The following ULK4 variants were observed in gnomAD, a reference collection of about 807,000 sequenced individuals.
The protein encoded by ULK4 is unc-51 like kinase 4.
In ULK4, 133 loss-of-function variants were observed where a neutral mutation model predicts 160.6. The observed-to-expected ratio is 0.83, with a 90% CI of 0.72 to 0.96. ULK4 has a LOEUF of 0.96. ULK4 is among the 40% of genes least tolerant of loss of function. The pLI, the probability that ULK4 is intolerant of heterozygous loss-of-function variation, is 0.00. For synonymous variants in ULK4, 534 were observed against 539.8 expected (o/e 0.99, Z 0.15); for missense variants, 1,580 against 1,499.5 (o/e 1.05, Z -0.89).
chr3:41,888,922 C>G (rs1697821664), intron 16 of ULK4, among the ~76,000 whole-genome samples: 1 of 152,120 alleles, frequency 6.6e-6, no homozygotes, highest in African/African-American at 2.4e-5. Context: ...ACATACCAAC[C>G]CTTTATTTAA....
chr3:41,636,010 T>C (rs1286794726), intron 30 of ULK4, among the ~76,000 whole-genome samples: 1 of 152,230 alleles, frequency 6.6e-6, no homozygotes, highest in Admixed American at 6.5e-5. Context: ...TTTGTACTCC[T>C]AGACATAGAA....
intron 35 of ULK4, among the ~76,000 whole-genome samples, chr3:41,355,171 T>G (rs2081004827): frequency 6.6e-6 from 1 of 152,214 alleles, no homozygotes; most frequent in African/African-American, 2.4e-5. Context: ...GGTAAAATTT[T>G]AGAAACTAAT....
chr3:41,279,263 A>ACAAC (rs1553638197), intron 35 of ULK4, among the ~76,000 whole-genome samples: 1 of 114,554 alleles, frequency 8.7e-6, no homozygotes, highest in African/African-American at 3.7e-5. Flanking sequence ...AGTAAAAAAA[A>ACAAC]AAAAAAAAAA....
chr3:41,803,707 T>A (rs1412672850), intron 19 of ULK4, among the ~76,000 whole-genome samples: 1 of 152,140 alleles, frequency 6.6e-6, no homozygotes, highest in Non-Finnish European at 1.5e-5. Flanking sequence ...CATTGTTCAA[T>A]TCCCACCTAT....
chr3:41,695,149 C>T (rs2036446110), intron 27 of ULK4, among the ~76,000 whole-genome samples: 1 of 152,224 alleles, frequency 6.6e-6, no homozygotes, highest in South Asian at 2.1e-4. Context: ...TTAAAGGACA[C>T]TAATTCCATT....
At chr3:41,653,188 C>G (rs1048810545) in intron 30 of ULK4, among the ~76,000 whole-genome samples, 37 of 152,168 alleles carry the variant, frequency 2.4e-4, no homozygotes, top group African/African-American at 8.9e-4. Context: ...GCTCTTAACA[C>G]TGCAGGCCAA....
intron 35 of ULK4, among the ~76,000 whole-genome samples, chr3:41,311,988 T>TATTTTATTTTATTTTA: frequency 2.6e-5 from 4 of 151,934 alleles, no homozygotes; most frequent in South Asian, 4.1e-4. Flanking sequence ...TATTTTATTT[T>TATTTTATTTTATTTTA]TTAGCAGTGG....
At chr3:41,628,307 TTA>T (rs1212114458) in intron 30 of ULK4, among the ~76,000 whole-genome samples, 1 of 152,116 alleles carries the variant, frequency 6.6e-6, no homozygotes, top group Non-Finnish European at 1.5e-5. Flanking sequence ...AACAGGATAT[TTA>T]TACAGTACCT....
intron 32 of ULK4, among the ~76,000 whole-genome samples, chr3:41,538,195 T>TTTCTA (rs2086575376): frequency 6.6e-6 from 1 of 152,150 alleles, no homozygotes; most frequent in African/African-American, 2.4e-5. Context: ...GACTTTGCTT[T>TTTCTA]TTCTATAATC....
chr3:41,842,673 G>A (rs1304467313), intron 17 of ULK4, among the ~76,000 whole-genome samples: 1 of 152,208 alleles, frequency 6.6e-6, no homozygotes, highest in Non-Finnish European at 1.5e-5. Flanking sequence ...ACAGCCTGAA[G>A]CCCTCACCAG....
In ULK4 at chr3:41,706,646, G is replaced by A. The variant is rs1018276401; in HGVS notation, c.2635-1341C>T. On this transcript the variant is annotated intron_variant, in intron 25 of 36. Coordinates refer to ENST00000301831, the MANE Select transcript of ULK4 (RefSeq NM_017886.4). ...AGTTCGAGACCAGCCTGGCCAACAC[G>A]GTGAAACCCCGTCTCAATTAAAAAT... is the stretch of plus-strand genomic sequence containing the variant. Among the ~76,000 whole-genome samples, 8 of 150,170 alleles carry A rather than the reference G, an allele frequency of 5.3e-5. No individual in the cohort carries two copies. In the East Asian group the frequency reaches 1.4e-3, roughly 26 times the overall value.
chr3:41,849,999 C>T (rs532501958), intron 17 of ULK4, among the ~76,000 whole-genome samples: 14 of 152,156 alleles, frequency 9.2e-5, no homozygotes, highest in African/African-American at 3.1e-4. Context: ...GTGTGATGTT[C>T]CCCTTCCTGT....
chr3:41,957,449 A>AAAAAT (rs1491489488), intron 1 of ULK4, among the ~76,000 whole-genome samples: 1 of 13,548 alleles, frequency 7.4e-5, no homozygotes, highest in African/African-American at 8.6e-5. Flanking sequence ...AGCACCACTC[A>AAAAAT]AAAAAAAAAA....
chr3:41,747,626 T>C (rs1466417429), intron 22 of ULK4, among the ~76,000 whole-genome samples: 1 of 152,140 alleles, frequency 6.6e-6, no homozygotes, highest in Admixed American at 6.5e-5. Flanking sequence ...TGTTTGGAGA[T>C]AAGGCTGTAT....
At chr3:41,334,491 T>C (rs1417485) in intron 35 of ULK4, among the ~76,000 whole-genome samples, 11,861 of 152,120 alleles carry the variant, frequency 0.078, 1,168 homozygotes, top group African/African-American at 0.22. Context: ...GCACAGGCCA[T>C]GTGGGAAAAA....
intron 32 of ULK4, among the ~76,000 whole-genome samples, chr3:41,525,719 A>G (rs1253987493): frequency 6.6e-6 from 1 of 152,238 alleles, no homozygotes; most frequent in African/African-American, 2.4e-5. Flanking sequence ...CCTAGCATAC[A>G]ATGTGCCCTT....
intron 31 of ULK4, among the ~76,000 whole-genome samples, chr3:41,595,802 G>A (rs1307971778): frequency 2.0e-5 from 3 of 152,134 alleles, no homozygotes; most frequent in Non-Finnish European, 2.9e-5. Flanking sequence ...CAGTAAAGAA[G>A]AGAAACCAAA....
At chr3:41,735,924 G>A (rs1284804263) in intron 22 of ULK4, among the ~76,000 whole-genome samples, 1 of 139,526 alleles carries the variant, frequency 7.2e-6, no homozygotes, top group East Asian at 2.1e-4. Flanking sequence ...TCCCACCTAT[G>A]AGTGAGAATA....
chr3:41,567,900 C>A (rs1486985471), intron 31 of ULK4, among the ~76,000 whole-genome samples: 1 of 152,108 alleles, frequency 6.6e-6, no homozygotes, highest in Admixed American at 6.5e-5. Context: ...TTTCCATATA[C>A]CCATCACCCA....
Sources: gnomAD v4.1 joint callset for allele counts (sites outside exome capture counted in the v4.1 genomes callset) on GRCh38, gnomAD v4.1.1 for gene constraint, MANE v1.5 for transcripts, NCBI Gene and HGNC (gene_info 2026-07-23, HGNC 2026-07-21) for gene names.